Variants in MYO10 observed in about 807,000 individuals in gnomAD.
The protein encoded by MYO10 is myosin X.
In MYO10, 133 loss-of-function variants were observed where a neutral mutation model predicts 257.3. The ratio of observed to expected loss-of-function variants is 0.52; its 90% CI spans 0.45 to 0.60. The LOEUF is 0.60. Among genes scored for constraint, MYO10 ranks in the 20% least tolerant of loss-of-function variants. The probability of loss-of-function intolerance (pLI) is 0.00; values close to 1 mark genes in which losing one functional copy is unlikely to be tolerated. For missense variants in MYO10, 2,399 were observed against 2,635.7 expected, an observed-to-expected ratio of 0.91 and a Z score of 1.97; for synonymous variants, 1,104 against 1,028.6, an observed-to-expected ratio of 1.07 and a Z score of -1.40.
intron 2 of MYO10, among the ~76,000 whole-genome samples, chr5:16,828,477 G>A (rs1180205777): frequency 6.6e-6 from 1 of 151,984 alleles, no homozygotes; most frequent in Non-Finnish European, 1.5e-5. Flanking sequence ...AAAGTTAGCA[G>A]GGCACAGTGT....
intron 1 of MYO10, among the ~76,000 whole-genome samples, chr5:16,886,072 T>G (rs561177234): frequency 1.3e-5 from 2 of 152,342 alleles, no homozygotes; most frequent in East Asian, 3.9e-4. Flanking sequence ...TGGCAATCAT[T>G]TCTGAAGAAC....
At chr5:16,729,006 C>T (rs1050942988) in intron 19 of MYO10, among the ~76,000 whole-genome samples, 3 of 152,108 alleles carry the variant, frequency 2.0e-5, no homozygotes, top group Non-Finnish European at 2.9e-5. Flanking sequence ...GAAGGGGACC[C>T]GAGTGGGTTG....
At chr5:16,861,156 C>T in intron 2 of MYO10, among the ~76,000 whole-genome samples, 1 of 151,816 alleles carries the variant, frequency 6.6e-6, no homozygotes, top group Non-Finnish European at 1.5e-5. Context: ...TTGAGAACCA[C>T]CCTGTCAAGG....
intron 1 of MYO10, among the ~76,000 whole-genome samples, chr5:16,894,460 A>G (rs1745165330): frequency 6.6e-6 from 1 of 152,166 alleles, no homozygotes; most frequent in Non-Finnish European, 1.5e-5. Flanking sequence ...CCTTGGACAA[A>G]TGAACCTCCA....
At chr5:16,844,282 G>A (rs1295604480) in intron 2 of MYO10, among the ~76,000 whole-genome samples, 28 of 152,008 alleles carry the variant, frequency 1.8e-4, no homozygotes, top group Admixed American at 1.8e-3. Flanking sequence ...GGACTCTGAG[G>A]ATTTTGCATA....
At chr5:16,759,273 T>C (rs962150336) in intron 17 of MYO10, among the ~76,000 whole-genome samples, 1 of 152,184 alleles carries the variant, frequency 6.6e-6, no homozygotes, top group Admixed American at 6.5e-5. Flanking sequence ...TCATGGGCTA[T>C]GGAGCTGGTG....
At position 16,694,395 on chromosome 5, in the gene MYO10, C is replaced by T. The variant is rs1737639420; in HGVS notation, c.3776G>A (p.Gly1259Asp). 1 of 1,613,940 alleles carries T rather than the reference C, an allele frequency of 6.2e-7. No homozygotes were observed. The highest frequency in any genetic ancestry group is 1.7e-5 in the Admixed American group (1 of 60,006). Reference sequence around the variant, plus strand: ...CTTTGCCGTTCGCACTTCTACGGTGCCCTTGAGCTTCTCCTCGCTGTCGTT... The same window carrying T: ...CTTTGCCGTTCGCACTTCTACGGTGTCCTTGAGCTTCTCCTCGCTGTCGTT... ...FENDSEEKLK[G>D]TVEVRTAKEI... is the part of the protein sequence containing the mutation. Residue 1259 changes from glycine (G) to aspartate (D), a missense_variant, in exon 27 of 41, where the codon GGC (glycine) becomes GAC (aspartate). Physicochemically the swap from Gly to Asp is moderately conservative, Grantham distance 94. Transcript: ENST00000513610.
Position 16,702,563 on chromosome 5 carries a change from C to T in MYO10, c.2536G>A (p.Ala846Thr), listed in dbSNP as rs768308673. 6.3e-7 allele frequency: 1 copy of T among 1,590,186 alleles called. No individual in the cohort carries two copies. The highest frequency in any genetic ancestry group is 2.3e-5 in the East Asian group (1 of 44,146). The change falls in exon 24 of 41, where the codon GCC (alanine) becomes ACC (threonine). Residue 846 changes from alanine (A) to threonine (T), a missense_variant. By Grantham distance (58) the Ala-to-Thr change is moderately conservative. Coordinates refer to ENST00000513610, the MANE Select transcript of MYO10 (RefSeq NM_012334.3). ...ATTACCTGCTGGGCGCGGAGCTCGGCTTCTCTTCGCTCTCTCTCTCTTTCT... is the reference window on the plus strand; with the variant it reads ...ATTACCTGCTGGGCGCGGAGCTCGGTTTCTCTTCGCTCTCTCTCTCTTTCT... The part of the protein sequence containing the change: ...ERERERERRE[A>T]ELRAQQEEET...
intron 3 of MYO10, among the ~76,000 whole-genome samples, chr5:16,796,478 G>A (rs1300112441): frequency 4.2e-5 from 2 of 47,456 alleles, no homozygotes; most frequent in Middle Eastern, 9.6e-3. Flanking sequence ...GAAAAGAAAA[G>A]AAAAGAAAGA....
In MYO10 at chr5:16,783,942, G is replaced by A. The variant is rs560350226; in HGVS notation, c.468-473C>T. On this transcript the variant is annotated intron_variant, in intron 4 of 40. Coordinates refer to ENST00000513610, the MANE Select transcript of MYO10 (RefSeq NM_012334.3). ...TGAGGGGACAAGGCAATGAACCTGC[G>A]GGTACACAACCCACACTAACTCATG... Among the ~76,000 whole-genome samples the A allele has an allele frequency of 2.5e-4, 38 of 152,264 alleles. No individual in the cohort carries two copies. The South Asian group carries it at 6.2e-3, about 25-fold the overall frequency.
At chr5:16,668,871 A>G (rs1338870288) in intron 39 of MYO10, among the ~76,000 whole-genome samples, 2 of 152,118 alleles carry the variant, frequency 1.3e-5, no homozygotes, top group Non-Finnish European at 2.9e-5. Context: ...TCTGCCTCCA[A>G]TCCTCTTTGC....
intron 18 of MYO10, among the ~76,000 whole-genome samples, chr5:16,757,451 C>T (rs1740568971): frequency 6.6e-6 from 1 of 151,930 alleles, no homozygotes; most frequent in South Asian, 2.1e-4. Flanking sequence ...AGGTAACTGA[C>T]ATCAGTCTCA....
At chr5:16,764,159 A>G (rs1302944115) in intron 12 of MYO10, 91 bp downstream of exon 12, 2 of 1,410,812 alleles carry the variant, frequency 1.4e-6, no homozygotes, top group East Asian at 2.3e-5. Context: ...AAAAAAAAAG[A>G]AAAAAAAAGA....
chr5:16,873,983 A>G (rs1237770606), intron 2 of MYO10, among the ~76,000 whole-genome samples: 1 of 152,134 alleles, frequency 6.6e-6, no homozygotes, highest in Non-Finnish European at 1.5e-5. Flanking sequence ...AGGGATTAAC[A>G]TTAGGCTCCT....
chr5:16,883,016 C>T lies in MYO10; in HGVS notation c.22-5309G>A, dbSNP rs370166399. On this transcript the variant is annotated intron_variant, in intron 1 of 40. Transcript: ENST00000513610. The stretch of plus-strand genomic sequence containing the variant: ...CTGCAAGCTCTGCCTCCCAGGTTCA[C>T]GCCATTCTCCTGCCTCAGCCTCCTG... Among the ~76,000 whole-genome samples the T allele has an allele frequency of 5.1e-3, 773 of 151,832 alleles. 7 individuals carry two copies. The highest frequency in any genetic ancestry group is 0.017 in the African/African-American group (703 of 41,288).
chr5:16,742,953 T>G (rs1740065931), intron 19 of MYO10, among the ~76,000 whole-genome samples: 2 of 151,710 alleles, frequency 1.3e-5, no homozygotes, highest in African/African-American at 4.8e-5. Flanking sequence ...AAACCCCATC[T>G]CTACTAAAAA....
chr5:16,680,533 T>C (rs997954028), intron 32 of MYO10, among the ~76,000 whole-genome samples: 2 of 152,140 alleles, frequency 1.3e-5, no homozygotes, highest in African/African-American at 4.8e-5. Flanking sequence ...CCTGGCAGTG[T>C]GTGAGTTCAG....
rs1433270317 is a variant in MYO10 at position 16,680,140 on chromosome 5, A to C, written c.4385-36T>G. 5 of 1,591,582 alleles carry C rather than the reference A, an allele frequency of 3.1e-6. No homozygotes were observed. The East Asian group carries it at 1.1e-4, about 36-fold the overall frequency. On this transcript the variant is annotated intron_variant, in intron 32 of 40. Coordinates refer to ENST00000513610, the MANE Select transcript of MYO10 (RefSeq NM_012334.3). ...AGGGGTGCCCAGCACACGCACGTCA[A>C]CGCCAACCTCGGGGACTGAGGCAAT...
chr5:16,765,478 C>A (rs1206044469), intron 11 of MYO10, among the ~76,000 whole-genome samples: 1 of 152,164 alleles, frequency 6.6e-6, no homozygotes, highest in East Asian at 1.9e-4. Context: ...ATAAACTCCC[C>A]TTTATATCTA....
Sources: allele counts gnomAD v4.1 joint callset (sites outside exome capture counted in the v4.1 genomes callset), GRCh38; gene constraint gnomAD v4.1.1; transcripts MANE v1.5; gene names NCBI Gene and HGNC (gene_info 2026-07-23, HGNC 2026-07-21).